Variants in IFIH1 observed in about 807,000 individuals in gnomAD.
The protein encoded by IFIH1 is interferon induced with helicase C domain 1.
IFIH1 carries 125 observed loss-of-function variants against 107.4 expected under a neutral mutation model. The ratio of observed to expected loss-of-function variants is 1.16; its 90% CI spans 1.01 to 1.35. The LOEUF (loss-of-function observed/expected upper bound fraction) is 1.35, where lower values mean the gene tolerates loss of function less well. IFIH1 is among the 40% of genes most tolerant of loss of function. The pLI, the probability that IFIH1 is intolerant of heterozygous loss-of-function variation, is 0.00. For missense variants in IFIH1, 1,333 were observed against 1,213.7 expected, an observed-to-expected ratio of 1.10 and a Z score of -1.46; for synonymous variants, 458 against 413.2, an observed-to-expected ratio of 1.11 and a Z score of -1.31.
At position 162,318,055 on chromosome 2, in the gene IFIH1, T is replaced by A; in HGVS notation, c.253A>T (p.Arg85Ter). The A allele has an allele frequency of 1.2e-6, 2 of 1,614,152 alleles. No individual in the cohort carries two copies. The highest frequency in any genetic ancestry group is 1.7e-6 in the Non-Finnish European group (2 of 1,180,028). ...CGGGCGGCCAGAGGGCTGCCGGTTC[T>A]CCGGAGGGCCTCCACGAATTCCCGA... ...WTREFVEALR[R>*]TGSPLAARYM... Residue 85 changes from arginine (R) to a stop codon, truncating the protein, a stop_gained, in exon 1 of 16, where the codon AGA becomes TGA. Coordinates refer to ENST00000649979, the MANE Select transcript of IFIH1 (RefSeq NM_022168.4). LOFTEE classifies it high-confidence loss of function.
rs1485199448 is a variant in IFIH1 at position 162,281,442 on chromosome 2, T to C, written c.1410A>G (p.Arg470=). 1.2e-6 allele frequency: 2 copies of C among 1,612,538 alleles called. No individual in the cohort carries two copies. The highest frequency in any genetic ancestry group is 1.7e-6 in the Non-Finnish European group (2 of 1,179,006). ...HYLMQKLKNN[R]LKKENKPVIP... is the part of the protein sequence containing the mutation. Reference sequence around the variant, plus strand: ...TCACTGGTTTGTTTTCTTTCTTGAGTCTATTGTTTTTCAACTTCTGCATCA... The same window carrying C: ...TCACTGGTTTGTTTTCTTTCTTGAGCCTATTGTTTTTCAACTTCTGCATCA... The change falls in exon 7 of 16, where the codon AGA becomes AGG. Residue 470 remains arginine (R), a synonymous_variant. Transcript: ENST00000649979.
intron 1 of IFIH1, among the ~76,000 whole-genome samples, chr2:162,317,027 G>A (rs546972487): frequency 6.6e-6 from 1 of 151,896 alleles, no homozygotes; most frequent in African/African-American, 2.4e-5. Flanking sequence ...GTGTGTGTGT[G>A]TGTGTGTGTG....
intron 4 of IFIH1, among the ~76,000 whole-genome samples, chr2:162,289,813 T>A (rs1448873676): frequency 6.6e-6 from 1 of 151,960 alleles, no homozygotes; most frequent in Non-Finnish European, 1.5e-5. Flanking sequence ...TCAATATGAT[T>A]TTTATGAAAA....
intron 12 of IFIH1, among the ~76,000 whole-genome samples, chr2:162,272,939 G>A (rs1338272395): frequency 1.3e-5 from 2 of 152,176 alleles, no homozygotes; most frequent in Admixed American, 6.5e-5. Flanking sequence ...AGAAACTTCT[G>A]TGGCCTGGCC....
In IFIH1 at chr2:162,304,330, C is replaced by T. The variant is rs569035040; in HGVS notation, c.769+2379G>A. On this transcript the variant is annotated intron_variant, in intron 3 of 15. Transcript: ENST00000649979. ...TACAAAAATTAGCTGGGTATGGTGGCGCACGCCCGTGATGCCAGCTACTTG... is the reference window on the plus strand; with the variant it reads ...TACAAAAATTAGCTGGGTATGGTGGTGCACGCCCGTGATGCCAGCTACTTG... 5.9e-5 allele frequency among the ~76,000 whole-genome samples: 9 copies of T among 152,174 alleles called. No individual in the cohort carries two copies. The South Asian group carries it at 1.2e-3, about 21-fold the overall frequency.
chr2:162,294,531 T>G (rs1191528580), intron 3 of IFIH1, among the ~76,000 whole-genome samples: 3 of 152,024 alleles, frequency 2.0e-5, no homozygotes, highest in Non-Finnish European at 4.4e-5. Context: ...CTTGCAAAAT[T>G]TGCTATTCAC....
chr2:162,270,799 T>C (rs1232583826), intron 13 of IFIH1, among the ~76,000 whole-genome samples: 2 of 152,140 alleles, frequency 1.3e-5, no homozygotes, highest in African/African-American at 4.8e-5. Context: ...GTGACAAAAG[T>C]TTGATTTGAT....
At chr2:162,301,065 A>G (rs1487790408) in intron 3 of IFIH1, among the ~76,000 whole-genome samples, 1 of 152,210 alleles carries the variant, frequency 6.6e-6, no homozygotes, top group African/African-American at 2.4e-5. Flanking sequence ...CCTCCTACAG[A>G]ACATGATCTA....
At chr2:162,282,616 A>T in intron 5 of IFIH1, 40 bp from the exon 6 acceptor site, 1 of 1,380,418 alleles carries the variant, frequency 7.2e-7, no homozygotes, top group Non-Finnish European at 1.0e-6. Flanking sequence ...AGAGAAAGTT[A>T]GTCGAAGCCA....
intron 1 of IFIH1, among the ~76,000 whole-genome samples, chr2:162,314,394 C>CTTT (rs1683435410): frequency 2.2e-5 from 1 of 46,322 alleles, no homozygotes; most frequent in African/African-American, 1.5e-4. Flanking sequence ...CTCCCTCCCT[C>CTTT]CCTCCTTTCT....
intron 2 of IFIH1, 52 bp from the exon 3 acceptor site, chr2:162,306,907 A>T: frequency 6.6e-7 from 1 of 1,505,080 alleles, no homozygotes; most frequent in Non-Finnish European, 9.2e-7. Flanking sequence ...AAGTTTTTGT[A>T]GAGCATACAT....
At position 162,293,545 on chromosome 2, in the gene IFIH1, C is replaced by T. The variant is rs755833923; in HGVS notation, c.874+19G>A. ...CTTATTTCACACTTTTTAAGGTTTA[C>T]ACAACAGTTAGGCAGTACCTGAATC... On this transcript the variant is annotated intron_variant, in intron 4 of 15. Coordinates refer to ENST00000649979, the MANE Select transcript of IFIH1 (RefSeq NM_022168.4). The T allele has an allele frequency of 6.5e-6, 10 of 1,530,878 alleles. No homozygotes were observed. Among genetic ancestry groups the T allele is most frequent in the Non-Finnish European group, 7.2e-6 (8 of 1,107,272 alleles). 94.8% of individuals were successfully genotyped at this position (1,530,878 alleles called of 1,614,324 possible). A position where few individuals can be genotyped will look rare whatever the true frequency, so the allele number is the denominator to read the frequency against.
rs562071939 is a variant in IFIH1, at chr2:162,299,548, T to C, written c.770-5880A>G. 2.2e-3 allele frequency among the ~76,000 whole-genome samples: 329 copies of C among 152,236 alleles called. 5 individuals carry two copies. The highest frequency in any genetic ancestry group is 0.018 in the Admixed American group (280 of 15,294). On this transcript the variant is annotated intron_variant, in intron 3 of 15. Coordinates refer to ENST00000649979, the MANE Select transcript of IFIH1 (RefSeq NM_022168.4). Reference sequence around the variant, plus strand: ...CCAATTTCCAGCATGATGTCCTGTGTGGAGCTGGAAAGAGATGTGCACACT... The same window carrying C: ...CCAATTTCCAGCATGATGTCCTGTGCGGAGCTGGAAAGAGATGTGCACACT...
At chr2:162,284,039 A>G (rs1247129885) in intron 5 of IFIH1, among the ~76,000 whole-genome samples, 2 of 151,910 alleles carry the variant, frequency 1.3e-5, no homozygotes, top group East Asian at 3.9e-4. Flanking sequence ...ACGCTTGAGA[A>G]GTTTAGAAAA....
chr2:162,304,335 G>A (rs1017453730), intron 3 of IFIH1, among the ~76,000 whole-genome samples: 1 of 152,012 alleles, frequency 6.6e-6, no homozygotes, highest in Non-Finnish European at 1.5e-5. Flanking sequence ...GGTGGCGCAC[G>A]CCCGTGATGC....
At chr2:162,268,524 A>G (rs559922648) in intron 13 of IFIH1, among the ~76,000 whole-genome samples, 31 of 152,276 alleles carry the variant, frequency 2.0e-4, no homozygotes, top group African/African-American at 7.5e-4. Flanking sequence ...GAAAAGTTCT[A>G]TTGTGAGAAA....
At chr2:162,293,477 T>C (rs897720927) in intron 4 of IFIH1, 87 bp downstream of exon 4, 1 of 741,376 alleles carries the variant, frequency 1.3e-6, no homozygotes, top group Non-Finnish European at 2.3e-6. Context: ...ATAAATACAT[T>C]AGGGAGGGTA....
chr2:162,273,073 C>G (rs995868422), intron 12 of IFIH1, among the ~76,000 whole-genome samples: 5 of 152,246 alleles, frequency 3.3e-5, no homozygotes, highest in Admixed American at 1.3e-4. Flanking sequence ...TGATGGCAGT[C>G]TGGTTATCTT....
Position 162,281,346 on chromosome 2 carries a change from A to G in IFIH1, c.1506T>C (p.Ala502=). 37 of 1,612,132 alleles carry G rather than the reference A, an allele frequency of 2.3e-5. No homozygotes were observed. Among genetic ancestry groups the G allele is most frequent in the Non-Finnish European group, 3.1e-5 (37 of 1,178,780 alleles). ...GVGGATKQAK[A]EEHILKLCAN... ...GACTTACTTTTAAAATGTGTTCTTC[A>G]GCTTTGGCTTGCTTCGTGGCCCCTC... The change falls in exon 7 of 16, where the codon GCT becomes GCC. Residue 502 remains alanine, a synonymous_variant. Transcript: ENST00000649979.
Sources: allele counts gnomAD v4.1 joint callset (sites outside exome capture counted in the v4.1 genomes callset), GRCh38; gene constraint gnomAD v4.1.1; transcripts MANE v1.5; gene names NCBI Gene and HGNC (gene_info 2026-07-23, HGNC 2026-07-21).